The following CFAP47 variants were observed in gnomAD, a reference collection of about 807,000 sequenced individuals.
The protein encoded by CFAP47 is cilia and flagella associated protein 47, also known as cilia- and flagella-associated protein 47.
A neutral mutation model predicts 148.1 loss-of-function variants in CFAP47; 29 were observed. The ratio of observed to expected loss-of-function variants is 0.20; its 90% CI spans 0.15 to 0.27. The LOEUF is 0.27. Among genes scored for constraint, CFAP47 ranks in the 10% least tolerant of loss-of-function variants. The pLI is 1.00. For synonymous variants in CFAP47, 664 were observed against 577.3 expected, an observed-to-expected ratio of 1.15 and a Z score of -2.15; for missense variants, 1,872 against 1,697.5, an observed-to-expected ratio of 1.10 and a Z score of -1.81.
At chrX:36,355,426 T>G (rs1264617634) in intron 60 of CFAP47, among the ~76,000 whole-genome samples, 1 of 112,122 alleles carries the variant, frequency 8.9e-6, no homozygotes, top group East Asian at 2.8e-4. Context: ...TATTCCAATG[T>G]TCATTGTAAC....
At chrX:36,133,478 T>G (rs1320839781) in intron 33 of CFAP47, among the ~76,000 whole-genome samples, 1 of 110,108 alleles carries the variant, frequency 9.1e-6, no homozygotes, top group Non-Finnish European at 1.9e-5. Flanking sequence ...ATCCCATAGC[T>G]AGAGAAGATG....
intron 22 of CFAP47, among the ~76,000 whole-genome samples, chrX:36,028,013 GTTC>G (rs1267132666): frequency 2.7e-5 from 3 of 110,835 alleles, no homozygotes; most frequent in East Asian, 5.6e-4. Flanking sequence ...TATTTGTTTT[GTTC>G]TTCTTGATTT....
intron 45 of CFAP47, among the ~76,000 whole-genome samples, chrX:36,208,989 C>CA (rs781836893): frequency 1.8e-5 from 2 of 111,319 alleles, no homozygotes; most frequent in Non-Finnish European, 3.8e-5. Flanking sequence ...AACAAACAAA[C>CA]AAAAAAACCA....
chrX:36,167,269 G>A (rs1012289503), intron 39 of CFAP47, among the ~76,000 whole-genome samples: 2 of 111,341 alleles, frequency 1.8e-5, no homozygotes, highest in African/African-American at 6.5e-5. Context: ...TTTGGGAAGC[G>A]ATTAGGAGCT....
At chrX:35,987,165 C>T (rs763009896) in intron 15 of CFAP47, among the ~76,000 whole-genome samples, 3 of 111,646 alleles carry the variant, frequency 2.7e-5, no homozygotes, top group South Asian at 7.6e-4. Flanking sequence ...TCTTCAGAGG[C>T]GGCAGGCAGG....
chrX:36,247,224 T>C, intron 48 of CFAP47, among the ~76,000 whole-genome samples: 1 of 111,053 alleles, frequency 9.0e-6, no homozygotes, highest in African/African-American at 3.3e-5. Flanking sequence ...AGCTAAACTT[T>C]GAATACACAT....
At chrX:36,211,536 C>A in intron 45 of CFAP47, 2 of 304,184 alleles carry the variant, frequency 6.6e-6, no homozygotes, top group Non-Finnish European at 1.2e-5. Context: ...AGATGAAAAG[C>A]AGCCTCATGA....
chrX:36,307,195 A>G (rs1319088725), intron 55 of CFAP47, among the ~76,000 whole-genome samples: 1 of 111,670 alleles, frequency 9.0e-6, no homozygotes, highest in Non-Finnish European at 1.9e-5. Flanking sequence ...TCAACTTTCC[A>G]TAAACTTAAA....
chrX:36,365,602 T>G (rs782496041), intron 61 of CFAP47: 2 of 110,645 alleles, frequency 1.8e-5, no homozygotes, highest in African/African-American at 6.6e-5. Context: ...TAGTACCCAA[T>G]AGTTATTTTT....
At chrX:36,246,660 G>T (rs1429724196) in intron 48 of CFAP47, among the ~76,000 whole-genome samples, 1 of 111,267 alleles carries the variant, frequency 9.0e-6, no homozygotes, top group Non-Finnish European at 1.9e-5. Context: ...GATACGTGGG[G>T]ATTATGGGGA....
intron 60 of CFAP47, among the ~76,000 whole-genome samples, chrX:36,359,568 A>G (rs1941811018): frequency 1.8e-5 from 2 of 111,480 alleles, no homozygotes; most frequent in African/African-American, 3.3e-5. Context: ...GTATTACATT[A>G]TTCTGCATTT....
intron 33 of CFAP47, among the ~76,000 whole-genome samples, chrX:36,131,732 A>G (rs1938952104): frequency 9.0e-6 from 1 of 111,576 alleles, no homozygotes. Flanking sequence ...ATTATGCTAA[A>G]TAAAAGACAA....
intron 51 of CFAP47, among the ~76,000 whole-genome samples, chrX:36,295,350 T>C (rs1270615052): frequency 8.9e-6 from 1 of 112,340 alleles, no homozygotes; most frequent in African/African-American, 3.2e-5. Flanking sequence ...TTTCAAACGT[T>C]TTTATAGCGT....
intron 49 of CFAP47, among the ~76,000 whole-genome samples, chrX:36,260,085 G>A (rs1316826194): frequency 1.2e-5 from 1 of 85,453 alleles, no homozygotes; most frequent in African/African-American, 8.0e-5. Flanking sequence ...TGGTGTGTGT[G>A]TGTGTGTGTA....
intron 21 of CFAP47, among the ~76,000 whole-genome samples, chrX:36,002,227 C>T (rs1005648335): frequency 7.2e-5 from 8 of 111,527 alleles, no homozygotes; most frequent in African/African-American, 2.6e-4. Context: ...GGTCAGGTTT[C>T]AGGAGCCAAC....
rs766123614 is a variant in CFAP47, at chrX:35,956,052, A to G, written c.1266A>G (p.Lys422=). The change falls in exon 8 of 64, where the codon AAA becomes AAG. Residue 422 remains lysine (K), a synonymous_variant. Transcript: ENST00000378653. ...ATCCAGGACCAGTTCTTAATTTTAA[A>G]CCTTGTTTCATGGGTGAACGTTCAG... ...QFDPGPVLNF[K]PCFMGERSEI... The G allele has an allele frequency of 3.3e-6, 4 of 1,211,561 alleles. No individual in the cohort carries two copies. Among genetic ancestry groups the G allele is most frequent in the Admixed American group, 4.3e-5 (2 of 45,999 alleles).
chrX:35,930,038 G>A (rs1247797917), intron 2 of CFAP47, among the ~76,000 whole-genome samples: 1 of 111,247 alleles, frequency 9.0e-6, no homozygotes, highest in African/African-American at 3.3e-5. Flanking sequence ...AAAACAGTGA[G>A]ACATCCTTTC....
At chrX:36,056,457 C>T (rs1342913867) in intron 26 of CFAP47, among the ~76,000 whole-genome samples, 1 of 111,799 alleles carries the variant, frequency 8.9e-6, no homozygotes, top group Non-Finnish European at 1.9e-5. Context: ...TACTCAGTCT[C>T]TCCTCACTTA....
At position 35,951,812 on chromosome X, in the gene CFAP47, A is replaced by C. The variant is rs759505994; in HGVS notation, c.895A>C (p.Ile299Leu). 1.8e-6 allele frequency: 2 copies of C among 1,134,184 alleles called. No individual in the cohort carries two copies. The highest frequency in any genetic ancestry group is 3.4e-5 in the Admixed American group (1 of 29,435). The allele number at this position is 1,134,184 out of a possible 1,213,427, so 93.5% of individuals were successfully genotyped here. Residue 299 changes from isoleucine (I) to leucine (L), a missense_variant, in exon 6 of 64, where the codon ATT (isoleucine) becomes CTT (leucine). By Grantham distance (5) the Ile-to-Leu change is conservative. Transcript: ENST00000378653. ...TGACTTTATATTACAGGGTACAGAT[A>C]TTCAACAAAGAACAGATATTGCTTT... ...DAVGEELGTD[I>L]QQRTDIALNN...
Sources: allele counts gnomAD v4.1 joint callset (sites outside exome capture counted in the v4.1 genomes callset), GRCh38; gene constraint gnomAD v4.1.1; transcripts MANE v1.5; gene names NCBI Gene and HGNC (gene_info 2026-07-23, HGNC 2026-07-21).